CSMD1: variants seen among roughly 807,000 people sequenced by gnomAD.
The protein encoded by CSMD1 is CUB and Sushi multiple domains 1.
A neutral mutation model predicts 417.5 loss-of-function variants in CSMD1; 213 were observed. The observed-to-expected ratio is 0.51, with a 90% CI of 0.46 to 0.57. CSMD1 has a LOEUF of 0.57. CSMD1 is among the 20% of genes least tolerant of loss of function. CSMD1 has a pLI of 0.00. For synonymous variants in CSMD1, 2,862 were observed against 1,736.8 expected, an observed-to-expected ratio of 1.65 and a Z score of -16.11; for missense variants, 6,923 against 4,529.7, an observed-to-expected ratio of 1.53 and a Z score of -15.17.
intron 2 of CSMD1, among the ~76,000 whole-genome samples, chr8:4,463,799 C>T (rs1043725023): frequency 7.9e-5 from 12 of 152,110 alleles, no homozygotes; most frequent in African/African-American, 2.9e-4. Flanking sequence ...TTGCATTAAA[C>T]ATCTTCCAAA....
At chr8:3,921,381 C>T (rs535335102) in intron 5 of CSMD1, among the ~76,000 whole-genome samples, 1 of 151,866 alleles carries the variant, frequency 6.6e-6, no homozygotes, top group Non-Finnish European at 1.5e-5. Context: ...AATTGTCTTT[C>T]TAGCCTCTAT....
intron 3 of CSMD1, among the ~76,000 whole-genome samples, chr8:4,272,350 A>G (rs1380975619): frequency 6.6e-6 from 1 of 152,174 alleles, no homozygotes; most frequent in African/African-American, 2.4e-5. Flanking sequence ...ATGTTATTCC[A>G]CTAATTGCTG....
chr8:3,294,918 T>C (rs539151487), intron 25 of CSMD1, among the ~76,000 whole-genome samples: 58 of 152,244 alleles, frequency 3.8e-4, no homozygotes, highest in African/African-American at 1.3e-3. Flanking sequence ...GCGTCATTCA[T>C]GCTGGGAGCT....
At chr8:3,463,995 G>C (rs183675666) in intron 12 of CSMD1, among the ~76,000 whole-genome samples, 2 of 152,248 alleles carry the variant, frequency 1.3e-5, no homozygotes, top group East Asian at 3.9e-4. Flanking sequence ...TCCGTTTCTT[G>C]TATGAAATGG....
intron 1 of CSMD1, among the ~76,000 whole-genome samples, chr8:4,886,898 T>C (rs1035471740): frequency 6.6e-6 from 1 of 152,066 alleles, no homozygotes. Flanking sequence ...TTAAGACTTT[T>C]TAAAAATATT....
chr8:3,776,205 G>T (rs985554448), intron 5 of CSMD1, among the ~76,000 whole-genome samples: 1 of 152,104 alleles, frequency 6.6e-6, no homozygotes, highest in Non-Finnish European at 1.5e-5. Flanking sequence ...TCTCAGCACC[G>T]GAGGGTGCCC....
At chr8:4,975,106 A>G (rs1382329541) in intron 1 of CSMD1, among the ~76,000 whole-genome samples, 1 of 152,182 alleles carries the variant, frequency 6.6e-6, no homozygotes, top group Admixed American at 6.5e-5. Flanking sequence ...AAGAAGGGCT[A>G]GGTCCCCATA....
chr8:3,956,658 A>G (rs548468781), intron 5 of CSMD1, among the ~76,000 whole-genome samples: 1 of 152,318 alleles, frequency 6.6e-6, no homozygotes, highest in East Asian at 1.9e-4. Context: ...GGATAAGACG[A>G]CTGAAAATTA....
rs531262025 is a variant in CSMD1 at position 3,992,302 on chromosome 8, T to A, written c.818+5601A>T. ...ACTTGACCCTTTTGCCTACCTGGAGTACGCAAGTTTACAAGGGGAACTCTG... is the reference window on the plus strand; with the variant it reads ...ACTTGACCCTTTTGCCTACCTGGAGAACGCAAGTTTACAAGGGGAACTCTG... On this transcript the variant is annotated intron_variant, in intron 5 of 69. Transcript: ENST00000635120. Among the ~76,000 whole-genome samples, 4 of 152,210 alleles carry A rather than the reference T, an allele frequency of 2.6e-5. No individual in the cohort carries two copies. The East Asian group carries it at 5.8e-4, about 22-fold the overall frequency.
chr8:4,918,241 C>G (rs552678794), intron 1 of CSMD1, among the ~76,000 whole-genome samples: 2 of 152,178 alleles, frequency 1.3e-5, no homozygotes, highest in African/African-American at 4.8e-5. Context: ...TCACTCAAGG[C>G]CCCCTCCATG....
rs146100852 is a variant in CSMD1 at position 4,149,574 on chromosome 8, G to A, written c.416-117475C>T. 3.2e-3 allele frequency among the ~76,000 whole-genome samples: 482 copies of A among 152,166 alleles called. 2 individuals carry two copies. Among genetic ancestry groups the A allele is most frequent in the Non-Finnish European group, 4.9e-3 (331 of 67,994 alleles). On this transcript the variant is annotated intron_variant, in intron 3 of 69. Transcript: ENST00000635120. ...TAATTCTAAGTACAGATCAAAATCC[G>A]AACCAGATTTATGCTAAAAGGGAAA...
intron 5 of CSMD1, among the ~76,000 whole-genome samples, chr8:3,923,408 T>G (rs1466872255): frequency 6.6e-6 from 1 of 152,218 alleles, no homozygotes; most frequent in African/African-American, 2.4e-5. Flanking sequence ...GCTTATTTTG[T>G]CAATTTGATT....
Position 3,178,252 on chromosome 8 carries a change from G to C in CSMD1, c.5725+2858C>G, listed in dbSNP as rs540388400. Among the ~76,000 whole-genome samples the C allele has an allele frequency of 3.3e-5, 5 of 152,202 alleles. No individual in the cohort carries two copies. In the East Asian group the frequency reaches 9.7e-4, roughly 29 times the overall value. Reference sequence around the variant, plus strand: ...GAGAAATTTCCACCAGTGTCCATTTGGATGTACTATGGTTAAGGGGGCCTT... The same window carrying C: ...GAGAAATTTCCACCAGTGTCCATTTCGATGTACTATGGTTAAGGGGGCCTT... On this transcript the variant is annotated intron_variant, in intron 37 of 69. Coordinates refer to ENST00000635120, the MANE Select transcript of CSMD1 (RefSeq NM_033225.6).
intron 5 of CSMD1, among the ~76,000 whole-genome samples, chr8:3,968,753 C>A (rs1417421971): frequency 2.0e-5 from 3 of 152,072 alleles, no homozygotes; most frequent in Admixed American, 6.5e-5. Flanking sequence ...GCCTCAACAA[C>A]CAAAATGCTG....
At chr8:3,983,627 C>G (rs1814079958) in intron 5 of CSMD1, among the ~76,000 whole-genome samples, 2 of 152,146 alleles carry the variant, frequency 1.3e-5, no homozygotes, top group African/African-American at 4.8e-5. Context: ...CTGTATTTTT[C>G]AAACCATAGC....
chr8:4,340,552 C>A (rs547412889), intron 3 of CSMD1, among the ~76,000 whole-genome samples: 1 of 152,002 alleles, frequency 6.6e-6, no homozygotes, highest in East Asian at 1.9e-4. Context: ...GCAGGATTGT[C>A]CAAGGGCAAT....
intron 5 of CSMD1, among the ~76,000 whole-genome samples, chr8:3,981,922 G>T (rs906885228): frequency 6.6e-6 from 1 of 151,932 alleles, no homozygotes; most frequent in Non-Finnish European, 1.5e-5. Context: ...CTGTAATCCC[G>T]GCACTTTGGG....
At chr8:4,748,391 A>T (rs1350969358) in intron 1 of CSMD1, among the ~76,000 whole-genome samples, 2 of 152,220 alleles carry the variant, frequency 1.3e-5, no homozygotes, top group African/African-American at 4.8e-5. Flanking sequence ...ATACTTTTTA[A>T]ATCTGAAACT....
At chr8:4,775,723 G>C (rs936080467) in intron 1 of CSMD1, among the ~76,000 whole-genome samples, 1 of 152,160 alleles carries the variant, frequency 6.6e-6, no homozygotes, top group Non-Finnish European at 1.5e-5. Context: ...CGTGGGGATG[G>C]GATATCTCCA....
Sources: gnomAD v4.1 joint callset for allele counts (sites outside exome capture counted in the v4.1 genomes callset) on GRCh38, gnomAD v4.1.1 for gene constraint, MANE v1.5 for transcripts, NCBI Gene and HGNC (gene_info 2026-07-23, HGNC 2026-07-21) for gene names.